The following PTPRN2 variants were observed in gnomAD, a reference collection of about 807,000 sequenced individuals.
PTPRN2 encodes the protein protein tyrosine phosphatase receptor type N2.
PTPRN2 carries 74 observed loss-of-function variants against 118.8 expected under a neutral mutation model. The ratio of observed to expected loss-of-function variants is 0.62; its 90% CI spans 0.52 to 0.76. The LOEUF (loss-of-function observed/expected upper bound fraction) is 0.76, where lower values mean the gene tolerates loss of function less well. Ranked by LOEUF, PTPRN2 falls within the 30% of genes least tolerant of loss-of-function variation. PTPRN2 has a pLI of 0.00. For synonymous variants in PTPRN2, 641 were observed against 608.0 expected, an observed-to-expected ratio of 1.05 and a Z score of -0.80; for missense variants, 1,481 against 1,394.4, an observed-to-expected ratio of 1.06 and a Z score of -0.99.
intron 2 of PTPRN2, among the ~76,000 whole-genome samples, chr7:158,397,913 C>T (rs1368892758): frequency 6.6e-6 from 1 of 152,124 alleles, no homozygotes; most frequent in African/African-American, 2.4e-5. Flanking sequence ...TTTTCCAATG[C>T]CATGAACGTA....
intron 2 of PTPRN2, among the ~76,000 whole-genome samples, chr7:158,340,816 G>C (rs575692037): frequency 2.2e-3 from 61 of 27,674 alleles, no homozygotes; most frequent in Non-Finnish European, 3.1e-3. Flanking sequence ...ACCCACACAT[G>C]TCACTCACAC....
chr7:157,885,063 T>C (rs917187408), intron 12 of PTPRN2, among the ~76,000 whole-genome samples: 3 of 152,112 alleles, frequency 2.0e-5, no homozygotes, highest in Non-Finnish European at 4.4e-5. Flanking sequence ...AGTCCACCCC[T>C]CGTAGGAACT....
At chr7:157,823,391 A>C (rs1219588311) in intron 12 of PTPRN2, among the ~76,000 whole-genome samples, 1 of 152,252 alleles carries the variant, frequency 6.6e-6, no homozygotes, top group Non-Finnish European at 1.5e-5. Flanking sequence ...AAAAATTAAC[A>C]CCTAGTACTT....
At chr7:158,138,769 G>T (rs111411055) in intron 6 of PTPRN2, among the ~76,000 whole-genome samples, 5 of 152,186 alleles carry the variant, frequency 3.3e-5, no homozygotes, top group African/African-American at 1.2e-4. Context: ...ACTCATCCAC[G>T]CGCTCAGGAG....
At chr7:158,190,082 T>C (rs1034565167) in intron 5 of PTPRN2, among the ~76,000 whole-genome samples, 3 of 152,234 alleles carry the variant, frequency 2.0e-5, no homozygotes, top group Non-Finnish European at 2.9e-5. Flanking sequence ...TTCTATTTCA[T>C]TTTTTAAAGA....
intron 11 of PTPRN2, among the ~76,000 whole-genome samples, chr7:158,074,266 G>A (rs966662658): frequency 1.1e-4 from 17 of 152,254 alleles, no homozygotes; most frequent in African/African-American, 2.9e-4. Context: ...GCCTCCTGCC[G>A]ACGATCCCTC....
At chr7:158,061,693 T>C (rs1055789832) in intron 11 of PTPRN2, among the ~76,000 whole-genome samples, 1 of 152,164 alleles carries the variant, frequency 6.6e-6, no homozygotes, top group Non-Finnish European at 1.5e-5. Flanking sequence ...TGAGATGCAA[T>C]GGGGGTGTCC....
intron 13 of PTPRN2, among the ~76,000 whole-genome samples, chr7:157,672,163 A>C (rs568352401): frequency 5.4e-5 from 8 of 147,972 alleles, no homozygotes; most frequent in African/African-American, 1.0e-4. Flanking sequence ...GTGTCTGAAA[A>C]CCCCCCCTGG....
At chr7:158,423,776 G>A (rs1192783367) in intron 2 of PTPRN2, among the ~76,000 whole-genome samples, 2 of 152,082 alleles carry the variant, frequency 1.3e-5, no homozygotes, top group African/African-American at 4.8e-5. Context: ...CTCCCAAAGT[G>A]CTGGGATTAC....
At chr7:158,163,603 GCGCC>G (rs1822578147) in intron 6 of PTPRN2, among the ~76,000 whole-genome samples, 1 of 116,698 alleles carries the variant, frequency 8.6e-6, no homozygotes, top group Non-Finnish European at 1.8e-5. Context: ...TTCATAGGTG[GCGCC>G]TGTACGGGGT....
At position 158,587,659 on chromosome 7, in the gene PTPRN2, G is replaced by A. The variant is rs991797550; in HGVS notation, c.11C>T (p.Pro4Leu). The change falls in exon 1 of 23, where the codon CCG (proline) becomes CTG (leucine). Residue 4 changes from proline to leucine, a missense_variant. This residue lies in a region of PTPRN2 where 1,115 missense variants were observed against 994.2 expected (regional missense o/e 1.12). Coordinates refer to ENST00000389418, the MANE Select transcript of PTPRN2 (RefSeq NM_002847.5). ...CAGTAGCAGCAGCAGCAGCGGGAGC[G>A]GCGGCCCCATCCCCGCGGCCTGGCC... MGP[P>L]LPLLLLLLLL... 5.9e-6 allele frequency: 8 copies of A among 1,350,284 alleles called. No individual in the cohort carries two copies. Among genetic ancestry groups the A allele is most frequent in the Admixed American group, 6.8e-5 (2 of 29,526 alleles). 83.6% of individuals were successfully genotyped at this position (1,350,284 alleles called of 1,614,324 possible).
intron 14 of PTPRN2, among the ~76,000 whole-genome samples, chr7:157,649,020 T>C (rs1400782192): frequency 7.8e-6 from 1 of 128,006 alleles, no homozygotes; most frequent in Non-Finnish European, 1.6e-5. Flanking sequence ...ATCCATTCAC[T>C]GTGCACTGAA....
chr7:157,952,777 G>A (rs533693008), intron 11 of PTPRN2, among the ~76,000 whole-genome samples: 3 of 152,132 alleles, frequency 2.0e-5, no homozygotes, highest in Non-Finnish European at 4.4e-5. Context: ...AACCCCAGGG[G>A]AAATAAAGGT....
At chr7:157,896,441 G>A (rs745354110) in intron 12 of PTPRN2, among the ~76,000 whole-genome samples, 2 of 152,002 alleles carry the variant, frequency 1.3e-5, no homozygotes, top group Non-Finnish European at 2.9e-5. Context: ...CCAGGCTCAG[G>A]TGCGTGTGGG....
Position 158,563,809 on chromosome 7 carries a change from G to A in PTPRN2, c.112+23749C>T, listed in dbSNP as rs1354080892. 6.6e-6 allele frequency among the ~76,000 whole-genome samples: 1 copy of A among 152,216 alleles called. No homozygotes were observed. The highest frequency in any genetic ancestry group is 2.4e-5 in the African/African-American group (1 of 41,450). ...AAACAAGTGAGGTCTTTGATTAGAT[G>A]CCTATTTTTTAGGGAATGGTCTTTT... On this transcript the variant is annotated intron_variant, in intron 1 of 22. Transcript: ENST00000389418. This position sits in a 1 kb window ranked among gnomAD's most constrained non-coding sequence, Gnocchi z 5.1.
intron 1 of PTPRN2, among the ~76,000 whole-genome samples, chr7:158,501,083 T>G (rs972369380): frequency 6.6e-6 from 1 of 152,262 alleles, no homozygotes; most frequent in Non-Finnish European, 1.5e-5. Context: ...ATGGGAATGT[T>G]ATCAGCTTTA....
rs191007518 is a variant in PTPRN2, at chr7:158,572,680, T to C, written c.112+14878A>G. On this transcript the variant is annotated intron_variant, in intron 1 of 22. Coordinates refer to ENST00000389418, the MANE Select transcript of PTPRN2 (RefSeq NM_002847.5). ...GACTCATCACTGTGATCCTTCATTA[T>C]TTCATACATTTTGTCCAGATCTGTT... 1.2e-3 allele frequency among the ~76,000 whole-genome samples: 186 copies of C among 152,356 alleles called. 1 individual carries two copies. The highest frequency in any genetic ancestry group is 4.4e-3 in the African/African-American group (181 of 41,580).
chr7:157,930,432 G>A (rs1185709875), intron 11 of PTPRN2, among the ~76,000 whole-genome samples: 1 of 152,202 alleles, frequency 6.6e-6, no homozygotes, highest in African/African-American at 2.4e-5. Context: ...TTTGTGGGGT[G>A]CAATCATTTC....
At chr7:157,960,224 G>T (rs1354765732) in intron 11 of PTPRN2, among the ~76,000 whole-genome samples, 1 of 152,188 alleles carries the variant, frequency 6.6e-6, no homozygotes, top group Non-Finnish European at 1.5e-5. Flanking sequence ...TTCAGTTTGA[G>T]AAAATGAACA....
Sources: allele counts gnomAD v4.1 joint callset (sites outside exome capture counted in the v4.1 genomes callset), GRCh38; gene constraint gnomAD v4.1.1; regional missense constraint gnomAD v4.1.1; non-coding constraint Gnocchi (gnomAD v3.1); transcripts MANE v1.5; gene names NCBI Gene and HGNC (gene_info 2026-07-23, HGNC 2026-07-21).